Variants in MAP3K13 observed in about 807,000 individuals in gnomAD.
MAP3K13 encodes the protein mitogen-activated protein kinase kinase kinase 13.
Under a neutral mutation model 104.0 loss-of-function variants are expected in MAP3K13, and 52 were observed. The ratio of observed to expected loss-of-function variants is 0.50; its 90% CI spans 0.40 to 0.63. The LOEUF is 0.63. Ranked by LOEUF, MAP3K13 falls within the 20% of genes least tolerant of loss-of-function variation. The pLI is 0.00. For missense variants in MAP3K13, 914 were observed against 1,218.5 expected, an observed-to-expected ratio of 0.75 and a Z score of 3.72; for synonymous variants, 394 against 442.2, an observed-to-expected ratio of 0.89 and a Z score of 1.37.
At chr3:185,408,571 TA>T (rs71164507) in intron 1 of MAP3K13, among the ~76,000 whole-genome samples, 93,460 of 148,664 alleles carry the variant, frequency 0.63, 29,357 homozygotes, top group Non-Finnish European at 0.68. Flanking sequence ...GACTCCATCT[TA>T]AAAAAAAAAA....
In MAP3K13 at chr3:185,417,172, TC is replaced by T. The variant is rs561329008; in HGVS notation, c.-85-11323del. On this transcript the variant is annotated intron_variant, in intron 1 of 13. Transcript: ENST00000265026. ...TCAGGGACCAACTTAAGTTCATAGT[TC>T]CACATATTCTGTAATCTTCCTTTTT... Among the ~76,000 whole-genome samples the T allele has an allele frequency of 4.1e-3, 622 of 152,242 alleles. 1 individual carries two copies. The highest frequency in any genetic ancestry group is 0.017 in the Middle Eastern group (5 of 294).
At position 185,480,404 on chromosome 3, in the gene MAP3K13, A is replaced by T. The variant is rs552226638; in HGVS notation, c.2674A>T (p.Thr892Ser). The T allele has an allele frequency of 6.2e-7, 1 of 1,614,170 alleles. No homozygotes were observed. The highest frequency in any genetic ancestry group is 1.1e-5 in the South Asian group (1 of 91,080). The change falls in exon 13 of 14, where the codon ACG becomes TCG. Residue 892 changes from threonine to serine, a missense_variant. Transcript: ENST00000265026. ...AEKLDDLLSQ[T>S]PEIPIDISSH... Reference sequence around the variant, plus strand: ...GAAGCTAGACGACCTGCTGTCCCAGACGCCAGAGATTCCCATTGACATATC... The same window carrying T: ...GAAGCTAGACGACCTGCTGTCCCAGTCGCCAGAGATTCCCATTGACATATC...
rs116384652 is a variant in MAP3K13, at chr3:185,383,849, A to G, written c.-86+20481A>G. On this transcript the variant is annotated intron_variant, in intron 1 of 13. Coordinates refer to ENST00000265026, the MANE Select transcript of MAP3K13 (RefSeq NM_004721.5). ...AAGTATACATAATAATTACACACTTATGGGATACATATGATATTTTAATAC... is the reference window on the plus strand; with the variant it reads ...AAGTATACATAATAATTACACACTTGTGGGATACATATGATATTTTAATAC... Among the ~76,000 whole-genome samples, 632 of 152,330 alleles carry G rather than the reference A, an allele frequency of 4.1e-3. 5 individuals carry two copies. Among genetic ancestry groups the G allele is most frequent in the African/African-American group, 0.014 (585 of 41,570 alleles).
At chr3:185,419,136 C>G (rs13067201) in intron 1 of MAP3K13, among the ~76,000 whole-genome samples, 24,497 of 151,836 alleles carry the variant, frequency 0.16, 2,089 homozygotes, top group African/African-American at 0.23. Flanking sequence ...CCTGCCTCAG[C>G]CTCCTGAGTA....
chr3:185,439,700 T>C (rs1366497125), intron 3 of MAP3K13, among the ~76,000 whole-genome samples: 1 of 152,172 alleles, frequency 6.6e-6, no homozygotes, highest in Non-Finnish European at 1.5e-5. Context: ...TAGGATGGTG[T>C]TGTGAGAAGC....
At chr3:185,453,798 GAT>G (rs1214609364) in intron 7 of MAP3K13, among the ~76,000 whole-genome samples, 3 of 53,362 alleles carry the variant, frequency 5.6e-5, no homozygotes, top group South Asian at 7.4e-4. Context: ...ATATATATGA[GAT>G]ATATATATAT....
At chr3:185,316,960 T>C (rs1463178222) in intron 2 of MAP3K13, among the ~76,000 whole-genome samples, 1 of 152,198 alleles carries the variant, frequency 6.6e-6, no homozygotes, top group Non-Finnish European at 1.5e-5. Context: ...GTTAAAAGAC[T>C]TGTAATATTG....
chr3:185,454,858 T>TGA (rs1716294044), intron 7 of MAP3K13, among the ~76,000 whole-genome samples: 1 of 61,368 alleles, frequency 1.6e-5, no homozygotes, highest in Non-Finnish European at 3.3e-5. Context: ...GATATATACA[T>TGA]GATATATATA....
At chr3:185,316,884 G>A (rs1308346198) in intron 2 of MAP3K13, among the ~76,000 whole-genome samples, 2 of 152,146 alleles carry the variant, frequency 1.3e-5, no homozygotes, top group Admixed American at 6.5e-5. Flanking sequence ...CAGGAAGGAC[G>A]ATGACTGGGT....
chr3:185,455,644 G>GACATATATATCATAT (rs1716590506), intron 7 of MAP3K13, among the ~76,000 whole-genome samples: 1 of 21,242 alleles, frequency 4.7e-5, no homozygotes, highest in African/African-American at 1.8e-4. Context: ...TGATATATAT[G>GACATATATATCATAT]AGATATATAT....
intron 2 of MAP3K13, among the ~76,000 whole-genome samples, chr3:185,296,175 TC>T (rs1252500280): frequency 6.6e-6 from 1 of 152,082 alleles, no homozygotes; most frequent in Non-Finnish European, 1.5e-5. Flanking sequence ...GCCCAGGAGG[TC>T]CAGGCTGCGG....
At chr3:185,390,749 G>A (rs1055834593) in intron 1 of MAP3K13, among the ~76,000 whole-genome samples, 1 of 150,932 alleles carries the variant, frequency 6.6e-6, no homozygotes, top group Admixed American at 6.6e-5. Flanking sequence ...TCAGCCTCCT[G>A]AGTAGCTGGG....
chr3:185,335,216 AT>A lies in MAP3K13; in HGVS notation c.-86+49574del, dbSNP rs549943008. ...CATGCAGCATTTTCTAAAGTGTTTG[AT>A]CACAGAATCCTTTATTCATCTGGAA... On this transcript the variant is annotated intron_variant, in intron 2 of 14. Coordinates refer to the MAP3K13 transcript ENST00000424227. Among the ~76,000 whole-genome samples the A allele has an allele frequency of 4.3e-4, 66 of 152,322 alleles. 1 individual carries two copies. The highest frequency in any genetic ancestry group is 7.8e-4 in the Admixed American group (12 of 15,294).
intron 1 of MAP3K13, among the ~76,000 whole-genome samples, chr3:185,422,666 CA>C (rs1040221215): frequency 8.5e-5 from 13 of 152,180 alleles, no homozygotes; most frequent in African/African-American, 1.2e-4. Flanking sequence ...TAGTTTGATT[CA>C]AAAAAATAAA....
chr3:185,326,937 T>C (rs1024282343), intron 2 of MAP3K13, among the ~76,000 whole-genome samples: 1 of 152,238 alleles, frequency 6.6e-6, no homozygotes, highest in Non-Finnish European at 1.5e-5. Context: ...TTGAGTATTA[T>C]ATTTTAAAGG....
chr3:185,296,878 A>G (rs951617397), intron 2 of MAP3K13, among the ~76,000 whole-genome samples: 1 of 152,222 alleles, frequency 6.6e-6, no homozygotes, highest in Non-Finnish European at 1.5e-5. Flanking sequence ...TAAAATGCAT[A>G]TAGTATGTAG....
intron 2 of MAP3K13, among the ~76,000 whole-genome samples, chr3:185,353,676 G>A (rs543794926): frequency 1.3e-5 from 2 of 152,280 alleles, no homozygotes; most frequent in South Asian, 4.1e-4. Flanking sequence ...TACTGATTCA[G>A]TGTTAATATC....
At chr3:185,317,515 A>T (rs576325563) in intron 2 of MAP3K13, among the ~76,000 whole-genome samples, 1 of 152,342 alleles carries the variant, frequency 6.6e-6, no homozygotes, top group African/African-American at 2.4e-5. Flanking sequence ...GCTTTATATT[A>T]TCTAGACTTT....
intron 2 of MAP3K13, among the ~76,000 whole-genome samples, chr3:185,306,874 A>T (rs1721302664): frequency 6.6e-6 from 1 of 152,118 alleles, no homozygotes; most frequent in Non-Finnish European, 1.5e-5. Flanking sequence ...TGTCCAGGAT[A>T]GTGTTTCCTA....
Sources: gnomAD v4.1 joint callset for allele counts (sites outside exome capture counted in the v4.1 genomes callset) on GRCh38, gnomAD v4.1.1 for gene constraint, MANE v1.5 for transcripts, NCBI Gene and HGNC (gene_info 2026-07-23, HGNC 2026-07-21) for gene names.